The following ZNF423 variants were observed in gnomAD, a reference collection of about 807,000 sequenced individuals.
The protein encoded by ZNF423 is Ebf-associated zinc finger protein.
ZNF423 carries 12 observed loss-of-function variants against 95.8 expected under a neutral mutation model. The ratio of observed to expected loss-of-function variants is 0.13; its 90% CI spans 0.08 to 0.20. The LOEUF (loss-of-function observed/expected upper bound fraction) is 0.20. ZNF423 is among the 10% of genes least tolerant of loss of function. The pLI is 1.00. For missense variants in ZNF423, 1,316 were observed against 1,737.1 expected, an observed-to-expected ratio of 0.76 and a Z score of 4.31; for synonymous variants, 749 against 711.9, an observed-to-expected ratio of 1.05 and a Z score of -0.83.
At chr16:49,720,431 A>C (rs942912622) in intron 3 of ZNF423, among the ~76,000 whole-genome samples, 11 of 151,948 alleles carry the variant, frequency 7.2e-5, no homozygotes, top group African/African-American at 2.7e-4. Context: ...CCCACCCCCC[A>C]CCAGCAGTTA....
At chr16:49,698,931 G>T (rs1199264463) in intron 3 of ZNF423, among the ~76,000 whole-genome samples, 2 of 152,236 alleles carry the variant, frequency 1.3e-5, no homozygotes, top group East Asian at 3.8e-4. Context: ...GACCCGCGGA[G>T]CTCCAGTAAT....
Position 49,745,802 on chromosome 16 carries a change from G to A in ZNF423, c.101-14831C>T, listed in dbSNP as rs118012234. 2.0e-5 allele frequency among the ~76,000 whole-genome samples: 3 copies of A among 152,248 alleles called. No individual in the cohort carries two copies. The East Asian group carries it at 5.8e-4, about 29-fold the overall frequency. ...CTTGCCGCTGACCCCCTCGTGTTAA[G>A]AAGAGCCCAGAATATTATCAGGAAA... On this transcript the variant is annotated intron_variant, in intron 2 of 7. Transcript: ENST00000563137.
At position 49,637,932 on chromosome 16, in the gene ZNF423, A is replaced by T. The variant is rs762926535; in HGVS notation, c.1244T>A (p.Val415Glu). The T allele has an allele frequency of 1.5e-5, 24 of 1,613,958 alleles. No homozygotes were observed. The highest frequency in any genetic ancestry group is 3.3e-5 in the Admixed American group (2 of 60,012). The part of the protein sequence containing the change: ...MRDDGQGWTK[V>E]VYSCPYCSKR... Reference sequence around the variant, plus strand: ...GGAACAATAGGGGCAGCTATAGACCACCTTGGTCCAGCCCTGCCCGTCATC... The same window carrying T: ...GGAACAATAGGGGCAGCTATAGACCTCCTTGGTCCAGCCCTGCCCGTCATC... The change falls in exon 4 of 8, where the codon GTG becomes GAG. Residue 415 changes from valine to glutamate, a missense_variant. Val to Glu is a moderately radical substitution (Grantham distance 121). This residue lies in a region of ZNF423 where 399 missense variants were observed against 478.5 expected (regional missense o/e 0.83). Coordinates refer to ENST00000563137, the MANE Select transcript of ZNF423 (RefSeq NM_001379286.1). This position sits in a 1 kb window ranked among gnomAD's most constrained non-coding sequence, Gnocchi z 5.6.
At chr16:49,525,597 C>T (rs1271705311) in intron 5 of ZNF423, 103 bp from the exon 6 acceptor site, 2 of 1,516,746 alleles carry the variant, frequency 1.3e-6, no homozygotes, top group Admixed American at 1.8e-5. Context: ...CCCCTCCAAT[C>T]CCCAGCACCG....
intron 3 of ZNF423, among the ~76,000 whole-genome samples, chr16:49,646,181 G>A (rs1973162448): frequency 6.6e-6 from 1 of 152,182 alleles, no homozygotes; most frequent in South Asian, 2.1e-4. Context: ...GTTTCCTAGA[G>A]CCTGGGGTAA....
At chr16:49,819,947 C>T (rs1201408847) in intron 1 of ZNF423, among the ~76,000 whole-genome samples, 1 of 151,914 alleles carries the variant, frequency 6.6e-6, no homozygotes, top group East Asian at 1.9e-4. Flanking sequence ...TGTAGGTGTT[C>T]CAAGTATGTT....
chr16:49,664,267 C>T (rs1003459185), intron 3 of ZNF423: 9 of 985,424 alleles, frequency 9.1e-6, no homozygotes, highest in Non-Finnish European at 1.1e-5. Context: ...CCGCCTGGGC[C>T]GGCGGAGAAG....
At chr16:49,705,060 G>T (rs975093435) in intron 3 of ZNF423, among the ~76,000 whole-genome samples, 4 of 152,222 alleles carry the variant, frequency 2.6e-5, no homozygotes, top group Non-Finnish European at 5.9e-5. Flanking sequence ...AAGGTTAAAT[G>T]ACAGCACGGT....
At chr16:49,804,254 C>T (rs1567350984) in intron 1 of ZNF423, among the ~76,000 whole-genome samples, 1 of 152,056 alleles carries the variant, frequency 6.6e-6, no homozygotes, top group Non-Finnish European at 1.5e-5. Flanking sequence ...GTTTCTACTT[C>T]AATCAGAGTT....
intron 1 of ZNF423, among the ~76,000 whole-genome samples, chr16:49,793,848 G>A (rs758334803): frequency 1.1e-4 from 16 of 152,310 alleles, no homozygotes; most frequent in African/African-American, 3.1e-4. Context: ...GGCAGAGCCC[G>A]ATTCACCACG....
At chr16:49,516,962 C>T (rs1011798040) in intron 7 of ZNF423, among the ~76,000 whole-genome samples, 21 of 152,324 alleles carry the variant, frequency 1.4e-4, no homozygotes, top group Admixed American at 8.5e-4. Flanking sequence ...CTCTGTTGAG[C>T]TACCTAGGGT....
chr16:49,790,934 CCCAA>C (rs2034402802), intron 1 of ZNF423, among the ~76,000 whole-genome samples: 2 of 152,182 alleles, frequency 1.3e-5, no homozygotes, highest in Admixed American at 1.3e-4. Flanking sequence ...AGAACAGTGG[CCCAA>C]CCAACCGAGT....
chr16:49,513,672 TGGACGGAC>T (rs577147029), intron 7 of ZNF423, among the ~76,000 whole-genome samples: 2 of 55,746 alleles, frequency 3.6e-5, no homozygotes, highest in Admixed American at 1.7e-4. Flanking sequence ...GATGGATGGA[TGGACGGAC>T]GGATGGCAAA....
intron 5 of ZNF423, among the ~76,000 whole-genome samples, chr16:49,575,045 G>A (rs1049703896): frequency 9.2e-5 from 14 of 152,096 alleles, no homozygotes; most frequent in Admixed American, 6.5e-5. Flanking sequence ...TTCCACAGGC[G>A]GATCGAGGGG....
At chr16:49,634,964 C>T (rs965643306) in intron 4 of ZNF423, among the ~76,000 whole-genome samples, 9 of 152,228 alleles carry the variant, frequency 5.9e-5, no homozygotes, top group African/African-American at 2.2e-4. Flanking sequence ...CACCTCCAAA[C>T]ATAATGGGTG....
chr16:49,554,482 G>A (rs1969754879), intron 5 of ZNF423, among the ~76,000 whole-genome samples: 1 of 152,022 alleles, frequency 6.6e-6, no homozygotes, highest in African/African-American at 2.4e-5. Context: ...ATTTCAACAG[G>A]GTGCTCTAAA....
intron 2 of ZNF423, among the ~76,000 whole-genome samples, chr16:49,782,474 C>A (rs2034228453): frequency 6.6e-6 from 1 of 152,222 alleles, no homozygotes; most frequent in African/African-American, 2.4e-5. Context: ...GGCAGGAAAG[C>A]CTAAAAGTCT....
chr16:49,585,863 G>C (rs539454161), intron 5 of ZNF423, among the ~76,000 whole-genome samples: 1 of 152,282 alleles, frequency 6.6e-6, no homozygotes, highest in African/African-American at 2.4e-5. Flanking sequence ...AGTTCTCAAG[G>C]CTGGCCTAGG....
At chr16:49,537,111 C>A (rs1221451707) in intron 5 of ZNF423, among the ~76,000 whole-genome samples, 1 of 152,224 alleles carries the variant, frequency 6.6e-6, no homozygotes. Flanking sequence ...TAAACCTACA[C>A]CCTGATAATT....
Sources: allele counts gnomAD v4.1 joint callset (sites outside exome capture counted in the v4.1 genomes callset), GRCh38; gene constraint gnomAD v4.1.1; regional missense constraint gnomAD v4.1.1; non-coding constraint Gnocchi (gnomAD v3.1); transcripts MANE v1.5; gene names NCBI Gene and HGNC (gene_info 2026-07-23, HGNC 2026-07-21).